PPP1R8: variants seen among roughly 807,000 people sequenced by gnomAD.
The protein encoded by PPP1R8 is protein phosphatase 1 regulatory subunit 8, also known as nuclear inhibitor of protein phosphatase 1.
In PPP1R8, 4 loss-of-function variants were observed where a neutral mutation model predicts 31.3. The observed-to-expected ratio is 0.13, with a 90% confidence interval of 0.06 to 0.29. The LOEUF is 0.29. PPP1R8 is among the 10% of genes least tolerant of loss of function. The pLI, the probability that PPP1R8 is intolerant of heterozygous loss-of-function variation, is 1.00. For missense variants in PPP1R8, 254 were observed against 440.1 expected, an observed-to-expected ratio of 0.58 and a Z score of 3.78; for synonymous variants, 170 against 169.7, an observed-to-expected ratio of 1.00 and a Z score of -0.01.
intron 5 of PPP1R8, among the ~76,000 whole-genome samples, chr1:27,845,409 A>G (rs1052524736): frequency 6.6e-6 from 1 of 150,804 alleles, no homozygotes. Flanking sequence ...AAAGAAAGAA[A>G]GAAAATTAGT....
chr1:27,843,530 T>G (rs2089242797), intron 5 of PPP1R8, among the ~76,000 whole-genome samples, 200 bp downstream of exon 5: 1 of 152,018 alleles, frequency 6.6e-6, no homozygotes, highest in Non-Finnish European at 1.5e-5. Flanking sequence ...CATGGTGGTG[T>G]TCGCCTGTAG....
intron 3 of PPP1R8, among the ~76,000 whole-genome samples, chr1:27,840,738 G>C (rs1358471950): frequency 1.3e-5 from 2 of 152,148 alleles, no homozygotes; most frequent in Non-Finnish European, 2.9e-5. Flanking sequence ...GAAACCCACC[G>C]AGGAGATTCA....
In PPP1R8 at chr1:27,847,573, A is replaced by G. The variant is rs144157450; in HGVS notation, c.702+481A>G. 6.6e-5 allele frequency among the ~76,000 whole-genome samples: 10 copies of G among 152,080 alleles called. No individual in the cohort carries two copies. The East Asian group carries it at 1.9e-3, about 29-fold the overall frequency. The stretch of plus-strand genomic sequence containing the variant: ...TGTTGAAACCCTGTCTCTACTAAAA[A>G]TACAAAAATTAGCTGGGTGTGGTGG... On this transcript the variant is annotated intron_variant, in intron 6 of 6. Transcript: ENST00000311772.
At chr1:27,840,448 CT>C (rs2089212039) in intron 3 of PPP1R8, among the ~76,000 whole-genome samples, 1 of 152,192 alleles carries the variant, frequency 6.6e-6, no homozygotes, top group Non-Finnish European at 1.5e-5. Context: ...AGGATTTTGG[CT>C]TGCTTTGGCA....
Position 27,843,327 on chromosome 1 carries a change from C to G in PPP1R8, c.634C>G (p.Pro212Ala). 1 of 1,614,034 alleles carries G rather than the reference C, an allele frequency of 6.2e-7. No homozygotes were observed. Among genetic ancestry groups the G allele is most frequent in the Non-Finnish European group, 8.5e-7 (1 of 1,179,990 alleles). ...CAGTGAGGATGATGAGATCATCAAC[C>G]CAGGTGAGGTATCTTGCTAGTTTAT... is the stretch of plus-strand genomic sequence containing the variant. ...TFSEDDEIINPEDVDPSVGRF... is the reference protein window; with the variant it reads ...TFSEDDEIINAEDVDPSVGRF... Residue 212 changes from proline (P) to alanine (A), a missense_variant, in exon 5 of 7, where the codon CCA becomes GCA. Physicochemically the swap from Pro to Ala is conservative, Grantham distance 27. This residue lies in a region of PPP1R8 where 29 missense variants were observed against 99.2 expected (regional missense o/e 0.29). Coordinates refer to ENST00000311772, the MANE Select transcript of PPP1R8 (RefSeq NM_014110.5).
intron 5 of PPP1R8, among the ~76,000 whole-genome samples, chr1:27,844,703 CTTTTTTT>C (rs777070302): frequency 4.3e-5 from 3 of 70,448 alleles, no homozygotes; most frequent in African/African-American, 6.8e-5. Flanking sequence ...AGACAAATTT[CTTTTTTT>C]TTTTTTTTTT....
At chr1:27,845,582 A>T (rs1349274758) in intron 5 of PPP1R8, among the ~76,000 whole-genome samples, 1 of 151,848 alleles carries the variant, frequency 6.6e-6, no homozygotes, top group Non-Finnish European at 1.5e-5. Context: ...TCTCGTCTAT[A>T]TAGAAGCCAT....
chr1:27,836,936 G>A (rs2148615543), intron 2 of PPP1R8, among the ~76,000 whole-genome samples: 1 of 152,190 alleles, frequency 6.6e-6, no homozygotes, highest in South Asian at 2.1e-4. Flanking sequence ...AGAAATAGGT[G>A]TTTACACTTC....
chr1:27,836,713 C>T (rs965813661), intron 2 of PPP1R8, among the ~76,000 whole-genome samples: 4 of 152,050 alleles, frequency 2.6e-5, no homozygotes, highest in African/African-American at 7.2e-5. Context: ...CCACCGCACC[C>T]GGCCAGCAAG....
chr1:27,832,741 A>G lies in PPP1R8; in HGVS notation c.57-15A>G. The G allele has an allele frequency of 6.2e-7, 1 of 1,602,304 alleles. No individual in the cohort carries two copies. The highest frequency in any genetic ancestry group is 2.2e-5 in the East Asian group (1 of 44,640). On this transcript the variant is annotated splice_polypyrimidine_tract_variant and intron_variant, in intron 1 of 6. Transcript: ENST00000311772. ...ACCCATCCTGAAAATGCTTTTTTCT[A>G]TTTTTATTTTTCAGGGCAGGTAAGC...
At chr1:27,836,946 C>T (rs2089172831) in intron 2 of PPP1R8, among the ~76,000 whole-genome samples, 1 of 152,188 alleles carries the variant, frequency 6.6e-6, no homozygotes, top group Non-Finnish European at 1.5e-5. Context: ...GTTTACACTT[C>T]ATTCCTTTCC....
chr1:27,850,169 G>A lies in PPP1R8; in HGVS notation c.779G>A (p.Ser260Asn). ...AGGCGCATGCAGAACTTTGCCTTCAGCGGAGGACTCTACGGGGGCCTGCCC... is the reference window on the plus strand; with the variant it reads ...AGGCGCATGCAGAACTTTGCCTTCAACGGAGGACTCTACGGGGGCCTGCCC... ...GSRRMQNFAF[S>N]GGLYGGLPPT... The change falls in exon 7 of 7, where the codon AGC (serine) becomes AAC (asparagine). Residue 260 changes from serine (S) to asparagine (N), a missense_variant. Physicochemically the swap from Ser to Asn is conservative, Grantham distance 46. Transcript: ENST00000311772. 6.2e-7 allele frequency: 1 copy of A among 1,613,904 alleles called. No individual in the cohort carries two copies. The highest frequency in any genetic ancestry group is 1.1e-5 in the South Asian group (1 of 91,046).
intron 5 of PPP1R8, among the ~76,000 whole-genome samples, chr1:27,844,705 T>C (rs1217612783): frequency 9.0e-6 from 1 of 110,960 alleles, no homozygotes; most frequent in Non-Finnish European, 1.8e-5. Flanking sequence ...ACAAATTTCT[T>C]TTTTTTTTTT....
chr1:27,831,244 C>T (rs948021853), intron 1 of PPP1R8: 1 of 1,034,188 alleles, frequency 9.7e-7, no homozygotes, highest in Non-Finnish European at 1.2e-6. Flanking sequence ...CTGGCCCCTT[C>T]CTGTACGTCC....
At chr1:27,834,284 C>T (rs955077016) in intron 2 of PPP1R8, 34 of 382,656 alleles carry the variant, frequency 8.9e-5, no homozygotes, top group African/African-American at 6.2e-4. Context: ...CGTTCTCTTT[C>T]GATGTTGTTA....
chr1:27,849,962 C>CAGGCT, intron 6 of PPP1R8, 131 bp from the exon 7 acceptor site: 3 of 767,826 alleles, frequency 3.9e-6, no homozygotes, highest in Non-Finnish European at 6.3e-6. Flanking sequence ...GAAAGGAGAA[C>CAGGCT]AGGCTAGAAG....
At chr1:27,832,894 C>G in intron 2 of PPP1R8, 78 bp downstream of exon 2, 1 of 1,229,818 alleles carries the variant, frequency 8.1e-7, no homozygotes, top group South Asian at 1.4e-5. Context: ...CACCCCCTCT[C>G]CTGTGCTTTG....
intron 5 of PPP1R8, among the ~76,000 whole-genome samples, chr1:27,844,637 A>G (rs1358033547): frequency 2.8e-5 from 4 of 143,014 alleles, no homozygotes; most frequent in Admixed American, 1.4e-4. Context: ...CAAAATTTAT[A>G]TTTTTTAATG....
intron 5 of PPP1R8, 123 bp from the exon 6 acceptor site, chr1:27,846,905 A>G (rs748039044): frequency 1.3e-6 from 1 of 790,772 alleles, no homozygotes; most frequent in Non-Finnish European, 2.2e-6. Context: ...GCACCCAGGA[A>G]GCACTCTCTG....
Sources: allele counts gnomAD v4.1 joint callset (sites outside exome capture counted in the v4.1 genomes callset), GRCh38; gene constraint gnomAD v4.1.1; regional missense constraint gnomAD v4.1.1; transcripts MANE v1.5; gene names NCBI Gene and HGNC (gene_info 2026-07-23, HGNC 2026-07-21).